Variants in GAS2 observed in about 807,000 individuals in gnomAD.
The protein encoded by GAS2 is growth arrest-specific protein 2.
GAS2 carries 20 observed loss-of-function variants against 37.5 expected under a neutral mutation model. The ratio of observed to expected loss-of-function variants is 0.53; its 90% CI spans 0.37 to 0.77. The LOEUF is 0.77. Among genes scored for constraint, GAS2 ranks in the 30% least tolerant of loss-of-function variants. GAS2 has a pLI of 0.00. For missense variants in GAS2, 336 were observed against 373.4 expected, an observed-to-expected ratio of 0.90 and a Z score of 0.82; for synonymous variants, 144 against 132.2, an observed-to-expected ratio of 1.09 and a Z score of -0.61.
At chr11:22,692,788 A>C (rs944381522) in intron 3 of GAS2, among the ~76,000 whole-genome samples, 1 of 152,162 alleles carries the variant, frequency 6.6e-6, no homozygotes, top group Non-Finnish European at 1.5e-5. Flanking sequence ...GGCACAATAA[A>C]AAATATGGCC....
chr11:22,672,112 TG>T (rs1360248151), intron 1 of GAS2, among the ~76,000 whole-genome samples: 2 of 152,276 alleles, frequency 1.3e-5, no homozygotes, highest in East Asian at 3.9e-4. Context: ...TGTCTAATTG[TG>T]TAACTTCTAT....
At chr11:22,807,028 G>A (rs750130982) in intron 7 of GAS2, among the ~76,000 whole-genome samples, 21 of 152,040 alleles carry the variant, frequency 1.4e-4, no homozygotes, top group Non-Finnish European at 2.9e-4. Context: ...GTCAAATACA[G>A]CATCAAGGAA....
intron 3 of GAS2, among the ~76,000 whole-genome samples, chr11:22,689,434 A>G (rs1284534823): frequency 6.6e-6 from 1 of 152,180 alleles, no homozygotes; most frequent in Non-Finnish European, 1.5e-5. Flanking sequence ...TGCCAGTAAT[A>G]TGCAGCTTAA....
chr11:22,764,561 CAAA>C (rs71311297), intron 7 of GAS2, among the ~76,000 whole-genome samples: 1 of 61,684 alleles, frequency 1.6e-5, no homozygotes, highest in Non-Finnish European at 3.3e-5. Context: ...GACTCCGTCT[CAAA>C]AAAAAAAAAA....
chr11:22,734,763 C>G (rs1318637624), intron 4 of GAS2, among the ~76,000 whole-genome samples: 2 of 151,584 alleles, frequency 1.3e-5, no homozygotes, highest in Non-Finnish European at 3.0e-5. Context: ...AATAACCTCC[C>G]AAAATAATAT....
At chr11:22,675,186 C>T (rs1181571435) in intron 2 of GAS2, among the ~76,000 whole-genome samples, 172 bp downstream of exon 2, 1 of 152,088 alleles carries the variant, frequency 6.6e-6, no homozygotes, top group Non-Finnish European at 1.5e-5. Flanking sequence ...AGTGAATTTC[C>T]CAATGTCTGT....
chr11:22,762,339 T>C (rs1015206273), intron 7 of GAS2, among the ~76,000 whole-genome samples: 1 of 152,168 alleles, frequency 6.6e-6, no homozygotes, highest in African/African-American at 2.4e-5. Flanking sequence ...TATATTTATA[T>C]CACAGGATTC....
At chr11:22,706,773 T>G (rs1851143969) in intron 3 of GAS2, among the ~76,000 whole-genome samples, 1 of 152,102 alleles carries the variant, frequency 6.6e-6, no homozygotes, top group African/African-American at 2.4e-5. Context: ...TTTGCTATTG[T>G]GAATAGTGCT....
chr11:22,626,064 G>A (rs575535119), intron 1 of GAS2: 7 of 543,226 alleles, frequency 1.3e-5, no homozygotes, highest in South Asian at 1.2e-4. Flanking sequence ...GAGAATTTCC[G>A]GAACCACGTG....
At chr11:22,791,653 G>A (rs767891806) in intron 7 of GAS2, among the ~76,000 whole-genome samples, 11 of 152,302 alleles carry the variant, frequency 7.2e-5, no homozygotes, top group South Asian at 4.1e-4. Flanking sequence ...AGATATGGGT[G>A]AACTTAAAAG....
intron 2 of GAS2, among the ~76,000 whole-genome samples, chr11:22,682,885 A>AAC (rs1849755220): frequency 1.7e-5 from 2 of 114,416 alleles, no homozygotes; most frequent in Middle Eastern, 4.2e-3. Context: ...AAAAAAAAAA[A>AAC]AGGAAAAAAA....
chr11:22,699,534 C>T (rs1850720490), intron 3 of GAS2, among the ~76,000 whole-genome samples: 1 of 152,102 alleles, frequency 6.6e-6, no homozygotes, highest in Non-Finnish European at 1.5e-5. Flanking sequence ...AAGGATTATG[C>T]AGCATAGATA....
Position 22,775,414 on chromosome 11 carries a change from G to A in GAS2, c.723+19461G>A, listed in dbSNP as rs1026122654. Among the ~76,000 whole-genome samples the A allele has an allele frequency of 4.6e-5, 7 of 152,088 alleles. No individual in the cohort carries two copies. In the South Asian group the frequency reaches 8.3e-4, roughly 18 times the overall value. On this transcript the variant is annotated intron_variant, in intron 7 of 7. Transcript: ENST00000454584. The stretch of plus-strand genomic sequence containing the variant: ...CTTGGTTATTTAAAATTGAAACACC[G>A]TTAAGTTTATCTTTGTCCTGCAAAC...
At chr11:22,651,299 G>C (rs1848772569) in intron 1 of GAS2, among the ~76,000 whole-genome samples, 1 of 152,196 alleles carries the variant, frequency 6.6e-6, no homozygotes, top group South Asian at 2.1e-4. Flanking sequence ...CTGTTAGTCT[G>C]ATGGGCTTCC....
At chr11:22,706,575 A>T (rs1016660426) in intron 3 of GAS2, among the ~76,000 whole-genome samples, 6 of 151,992 alleles carry the variant, frequency 3.9e-5, no homozygotes, top group Non-Finnish European at 7.4e-5. Flanking sequence ...ATGAGTGAGA[A>T]TATGCGGTGT....
At position 22,799,576 on chromosome 11, in the gene GAS2, G is replaced by A. The variant is rs567943858; in HGVS notation, c.724-12222G>A. Among the ~76,000 whole-genome samples the A allele has an allele frequency of 8.2e-4, 124 of 151,804 alleles. 2 individuals are homozygous for A. In the South Asian group the frequency reaches 0.017, roughly 21 times the overall value. On this transcript the variant is annotated intron_variant, in intron 7 of 7. Coordinates refer to ENST00000454584, the MANE Select transcript of GAS2 (RefSeq NM_001143830.3). The stretch of plus-strand genomic sequence containing the variant: ...GTTATAGCTTCAATTTTTGACCCAC[G>A]TCTATCTTTCTCTCAAAGAAATTCT...
At chr11:22,739,987 A>T (rs1220206925) in intron 5 of GAS2, among the ~76,000 whole-genome samples, 1 of 151,980 alleles carries the variant, frequency 6.6e-6, no homozygotes, top group Non-Finnish European at 1.5e-5. Flanking sequence ...ATTATATTAA[A>T]TGAGCACGGT....
intron 1 of GAS2, among the ~76,000 whole-genome samples, chr11:22,658,022 C>CTT (rs561156577): frequency 1.7e-4 from 24 of 138,322 alleles, no homozygotes; most frequent in East Asian, 6.2e-4. Flanking sequence ...ACACAATTTG[C>CTT]TTTTTTTTTT....
chr11:22,774,044 A>C (rs1218568171), intron 7 of GAS2, among the ~76,000 whole-genome samples: 1 of 152,078 alleles, frequency 6.6e-6, no homozygotes, highest in Non-Finnish European at 1.5e-5. Flanking sequence ...CCCAGGCTGG[A>C]GTACAATGGC....
Sources: gnomAD v4.1 joint callset for allele counts (sites outside exome capture counted in the v4.1 genomes callset) on GRCh38, gnomAD v4.1.1 for gene constraint, MANE v1.5 for transcripts, NCBI Gene and HGNC (gene_info 2026-07-23, HGNC 2026-07-21) for gene names.